Variants in JARID2 observed in about 807,000 individuals in gnomAD.
JARID2 encodes jumonji and AT-rich interaction domain containing 2, also known as protein Jumonji.
JARID2 carries 21 observed loss-of-function variants against 125.6 expected under a neutral mutation model. The observed-to-expected ratio is 0.17, with a 90% CI of 0.12 to 0.24. The LOEUF (loss-of-function observed/expected upper bound fraction) is 0.24. Among genes scored for constraint, JARID2 ranks in the 10% least tolerant of loss-of-function variants. The pLI, the probability that JARID2 is intolerant of heterozygous loss-of-function variation, is 1.00. For synonymous variants in JARID2, 736 were observed against 661.6 expected, an observed-to-expected ratio of 1.11 and a Z score of -1.73; for missense variants, 1,303 against 1,639.6, an observed-to-expected ratio of 0.79 and a Z score of 3.55.
At chr6:15,469,298 GTCTCTGTCTCTCT>G (rs1768912482) in intron 5 of JARID2, among the ~76,000 whole-genome samples, 1 of 28,298 alleles carries the variant, frequency 3.5e-5, no homozygotes, top group Non-Finnish European at 7.0e-5. Flanking sequence ...CTGTCTCTCT[GTCTCTGTCTCTCT>G]CTCTCTGTCT....
chr6:15,437,207 A>G (rs910529818), intron 3 of JARID2, among the ~76,000 whole-genome samples: 1 of 152,176 alleles, frequency 6.6e-6, no homozygotes, highest in South Asian at 2.1e-4. Context: ...TGGGAATGGC[A>G]GTCTCCACTG....
chr6:15,286,692 C>T (rs1761015003), intron 1 of JARID2, among the ~76,000 whole-genome samples: 1 of 151,684 alleles, frequency 6.6e-6, no homozygotes, highest in Non-Finnish European at 1.5e-5. Context: ...AACCCCGTCT[C>T]TAATAAAAAT....
At position 15,520,522 on chromosome 6, in the gene JARID2, A is replaced by G. The variant is rs1257697484; in HGVS notation, c.*271A>G. 2 of 391,446 alleles carry G rather than the reference A, an allele frequency of 5.1e-6. No individual in the cohort carries two copies. Among genetic ancestry groups the G allele is most frequent in the Non-Finnish European group, 9.3e-6 (2 of 214,702 alleles). The allele number at this position is 391,446 out of a possible 1,614,324, so 24.2% of individuals were successfully genotyped here. ...GGGCTGTATTAATTTGTATTGCCCCATGGCTGACAAAAGCCTTTTTTTTTG... is the reference window on the plus strand; with the variant it reads ...GGGCTGTATTAATTTGTATTGCCCCGTGGCTGACAAAAGCCTTTTTTTTTG... On this transcript the variant is annotated 3_prime_UTR_variant, in exon 18 of 18. Coordinates refer to ENST00000341776, the MANE Select transcript of JARID2 (RefSeq NM_004973.4).
At chr6:15,383,697 C>A (rs1764676981) in intron 2 of JARID2, among the ~76,000 whole-genome samples, 1 of 152,174 alleles carries the variant, frequency 6.6e-6, no homozygotes, top group Admixed American at 6.5e-5. Flanking sequence ...GCCCAAGCCA[C>A]ATTTCCATTA....
chr6:15,456,171 T>G (rs1328499294), intron 4 of JARID2, among the ~76,000 whole-genome samples: 1 of 152,244 alleles, frequency 6.6e-6, no homozygotes, highest in Non-Finnish European at 1.5e-5. Context: ...TGCACTATCT[T>G]ATAACATTAT....
At chr6:15,377,978 G>A (rs1349040146) in intron 2 of JARID2, among the ~76,000 whole-genome samples, 2 of 150,638 alleles carry the variant, frequency 1.3e-5, no homozygotes, top group African/African-American at 4.9e-5. Flanking sequence ...CTCTGCCTCC[G>A]GGTTCAAGTG....
At chr6:15,281,778 C>T (rs372968652) in intron 1 of JARID2, among the ~76,000 whole-genome samples, 15 of 152,252 alleles carry the variant, frequency 9.9e-5, no homozygotes, top group East Asian at 7.7e-4. Context: ...TAGAAGAGTC[C>T]TTGGCATTTA....
At chr6:15,298,747 G>A (rs1227184751) in intron 1 of JARID2, among the ~76,000 whole-genome samples, 2 of 151,468 alleles carry the variant, frequency 1.3e-5, no homozygotes, top group African/African-American at 2.4e-5. Context: ...TTATTTGTAC[G>A]GTTGAAACCT....
intron 12 of JARID2, chr6:15,509,443 G>A (rs963919208): frequency 2.0e-5 from 15 of 763,200 alleles, no homozygotes; most frequent in Non-Finnish European, 2.2e-5. Flanking sequence ...GAGTGGTGCT[G>A]TGGACATGAG....
In JARID2 at chr6:15,511,486, A is replaced by G. The variant is rs150654103; in HGVS notation, c.2952+85A>G. 1,059 of 906,392 alleles carry G rather than the reference A, an allele frequency of 1.2e-3. 9 individuals carry two copies. In the African/African-American group the frequency reaches 0.015, roughly 13 times the overall value. 56.1% of individuals were successfully genotyped at this position (906,392 alleles called of 1,614,324 possible). On this transcript the variant is annotated intron_variant, in intron 13 of 17. Transcript: ENST00000341776. ...ATGGTTTCCCATGAACCCGCCTTTC[A>G]AAGGCAATGAGGACACAGCAAAACA...
At chr6:15,501,784 T>C (rs1422474906) in intron 8 of JARID2, among the ~76,000 whole-genome samples, 2 of 152,126 alleles carry the variant, frequency 1.3e-5, no homozygotes, top group Admixed American at 6.5e-5. Context: ...GGGTTTCCTT[T>C]TCATTAACTG....
intron 16 of JARID2, among the ~76,000 whole-genome samples, chr6:15,513,660 G>A (rs1394370013): frequency 1.3e-5 from 2 of 152,190 alleles, no homozygotes; most frequent in East Asian, 1.9e-4. Flanking sequence ...GCCCTCCCTC[G>A]GTCCTGCAGT....
At chr6:15,498,812 C>T (rs55703661) in intron 7 of JARID2, among the ~76,000 whole-genome samples, 3,056 of 152,322 alleles carry the variant, frequency 0.02, 110 homozygotes, top group African/African-American at 0.069. Flanking sequence ...TCTGCACACG[C>T]GTGCACCCAC....
chr6:15,427,426 A>T (rs1766774917), intron 3 of JARID2, among the ~76,000 whole-genome samples: 1 of 151,930 alleles, frequency 6.6e-6, no homozygotes, highest in Non-Finnish European at 1.5e-5. Context: ...TTATTACTGC[A>T]GTGGCCATTT....
chr6:15,456,254 T>A (rs891552845), intron 4 of JARID2, among the ~76,000 whole-genome samples: 3 of 152,272 alleles, frequency 2.0e-5, no homozygotes, highest in Non-Finnish European at 4.4e-5. Flanking sequence ...TTCAAATAAA[T>A]GCCATCTAGA....
At chr6:15,287,657 C>G (rs965116325) in intron 1 of JARID2, among the ~76,000 whole-genome samples, 5 of 152,182 alleles carry the variant, frequency 3.3e-5, no homozygotes, top group East Asian at 1.9e-4. Context: ...CTGAGAATCT[C>G]TTTTCCTTCT....
intron 2 of JARID2, among the ~76,000 whole-genome samples, chr6:15,377,301 T>G (rs190981892): frequency 8.2e-4 from 125 of 152,010 alleles, no homozygotes; most frequent in African/African-American, 2.9e-3. Context: ...CAAGAGAAAA[T>G]GAGATTTCGT....
intron 1 of JARID2, chr6:15,369,377 C>G: frequency 7.5e-6 from 3 of 402,160 alleles, no homozygotes; most frequent in Non-Finnish European, 1.5e-5. Context: ...ATAAGAAATT[C>G]TATTATTTTC....
In JARID2 at chr6:15,473,514, G is replaced by GCCGCCCCCC. The variant is rs1451318951; in HGVS notation, c.670+4798_670+4799insGCCCCCCCC. The stretch of plus-strand genomic sequence containing the variant: ...GTCTCCCTTGTCTTCTGATGTGCGT[G>GCCGCCCCCC]CCCCCCCCCCCCCCCCGCTTTGTGT... On this transcript the variant is annotated intron_variant, in intron 5 of 17. Transcript: ENST00000341776. Among the ~76,000 whole-genome samples the GCCGCCCCCC allele has an allele frequency of 8.6e-5, 3 of 35,000 alleles. 1 individual carries two copies. Among genetic ancestry groups the GCCGCCCCCC allele is most frequent in the African/African-American group, 2.2e-4 (3 of 13,924 alleles). The allele number at this position is 35,000 out of a possible 152,430, so 23.0% of individuals were successfully genotyped here. A position where few individuals can be genotyped will look rare whatever the true frequency, so the allele number is the denominator to read the frequency against.
Sources: gnomAD v4.1 joint callset for allele counts (sites outside exome capture counted in the v4.1 genomes callset) on GRCh38, gnomAD v4.1.1 for gene constraint, MANE v1.5 for transcripts, NCBI Gene and HGNC (gene_info 2026-07-23, HGNC 2026-07-21) for gene names.